The following OPCML variants were observed in gnomAD, a reference collection of about 807,000 sequenced individuals.
OPCML encodes the protein opioid binding protein/cell adhesion molecule like, also known as opioid-binding protein/cell adhesion molecule.
Under a neutral mutation model 37.8 loss-of-function variants are expected in OPCML, and 13 were observed. The observed-to-expected ratio is 0.34, with a 90% CI of 0.22 to 0.55. The LOEUF is 0.55. OPCML is among the 20% of genes least tolerant of loss of function. The pLI is 0.91. For missense variants in OPCML, 341 were observed against 435.6 expected (o/e 0.78, Z 1.93); for synonymous variants, 176 against 168.8 (o/e 1.04, Z -0.33).
chr11:132,430,170 G>T, intron 7 of OPCML, among the ~76,000 whole-genome samples: 1 of 152,196 alleles, frequency 6.6e-6, no homozygotes, highest in East Asian at 1.9e-4. Context: ...AGGCATGGAG[G>T]TCGCACTGAA....
chr11:132,748,349 G>A (rs956579928), intron 2 of OPCML, among the ~76,000 whole-genome samples: 5 of 152,022 alleles, frequency 3.3e-5, no homozygotes, highest in South Asian at 2.1e-4. Flanking sequence ...GATATGTATC[G>A]AATGCCCGCT....
At chr11:133,482,605 G>A (rs1947402598) in intron 1 of OPCML, among the ~76,000 whole-genome samples, 1 of 152,018 alleles carries the variant, frequency 6.6e-6, no homozygotes, top group Non-Finnish European at 1.5e-5. Context: ...TCACCCTTGA[G>A]CAAAATGAGC....
chr11:133,170,130 AAC>A (rs1160892096), intron 1 of OPCML, among the ~76,000 whole-genome samples: 2 of 152,200 alleles, frequency 1.3e-5, no homozygotes, highest in Non-Finnish European at 2.9e-5. Context: ...TTATCTACCT[AAC>A]TACCTGTCTG....
At chr11:133,257,989 T>G (rs1318353081) in intron 1 of OPCML, among the ~76,000 whole-genome samples, 1 of 152,140 alleles carries the variant, frequency 6.6e-6, no homozygotes, top group Non-Finnish European at 1.5e-5. Context: ...ATTCTAAGAT[T>G]GTATCTGGGG....
chr11:132,718,576 G>A (rs946280466), intron 2 of OPCML, among the ~76,000 whole-genome samples: 1 of 152,130 alleles, frequency 6.6e-6, no homozygotes, highest in Non-Finnish European at 1.5e-5. Flanking sequence ...CTGTGTCCCT[G>A]CACAGCTCCT....
At chr11:132,706,710 A>C (rs1944046907) in intron 2 of OPCML, among the ~76,000 whole-genome samples, 1 of 151,798 alleles carries the variant, frequency 6.6e-6, no homozygotes, top group Non-Finnish European at 1.5e-5. Context: ...GCACTCCCCC[A>C]CCCTCTCAGA....
intron 1 of OPCML, among the ~76,000 whole-genome samples, chr11:133,344,344 C>G (rs1377542587): frequency 6.6e-6 from 1 of 152,214 alleles, no homozygotes; most frequent in Non-Finnish European, 1.5e-5. Flanking sequence ...TTACCTACTG[C>G]TATAGTCCTG....
intron 4 of OPCML, among the ~76,000 whole-genome samples, chr11:132,514,857 A>T (rs2096276389): frequency 6.6e-6 from 1 of 152,142 alleles, no homozygotes; most frequent in Non-Finnish European, 1.5e-5. Context: ...CGGCCCTATG[A>T]TGCCCTACAA....
chr11:133,224,830 G>T (rs1939976332), intron 1 of OPCML, among the ~76,000 whole-genome samples: 1 of 152,210 alleles, frequency 6.6e-6, no homozygotes, highest in Non-Finnish European at 1.5e-5. Flanking sequence ...CAAGGAATTT[G>T]GAGCTAGTAC....
Position 133,177,263 on chromosome 11 carries a change from C to T in OPCML, c.62-234253G>A, listed in dbSNP as rs1365260930. Among the ~76,000 whole-genome samples the T allele has an allele frequency of 6.6e-6, 1 of 152,188 alleles. No individual in the cohort carries two copies. Among genetic ancestry groups the T allele is most frequent in the African/African-American group, 2.4e-5 (1 of 41,436 alleles). ...AAGCAGGGGCTAGATGCAGACCTAT[C>T]AGAGATCTGAAAGAAGTGGGAAATA... On this transcript the variant is annotated intron_variant, in intron 1 of 7. Transcript: ENST00000524381. This position sits in a 1 kb window ranked among gnomAD's most constrained non-coding sequence, Gnocchi z 5.0.
At chr11:133,240,754 G>A in intron 1 of OPCML, among the ~76,000 whole-genome samples, 1 of 152,154 alleles carries the variant, frequency 6.6e-6, no homozygotes, top group Non-Finnish European at 1.5e-5. Context: ...AACACATCCA[G>A]TGTTGTTCTC....
chr11:132,505,807 C>T (rs1565620727), intron 4 of OPCML, among the ~76,000 whole-genome samples: 1 of 151,348 alleles, frequency 6.6e-6, no homozygotes, highest in Admixed American at 6.6e-5. Flanking sequence ...AAGAAAGAGC[C>T]AACACACGTG....
chr11:132,745,596 GAAAGAAAGAAAA>G (rs1565827940), intron 2 of OPCML, among the ~76,000 whole-genome samples: 17 of 144,572 alleles, frequency 1.2e-4, no homozygotes, highest in Admixed American at 4.1e-4. Flanking sequence ...AAGAAAGAAA[GAAAGAAAGAAAA>G]AAAAAGGACA....
intron 1 of OPCML, among the ~76,000 whole-genome samples, chr11:132,983,720 C>T (rs1041282435): frequency 5.3e-5 from 8 of 152,170 alleles, no homozygotes; most frequent in African/African-American, 1.9e-4. Flanking sequence ...TTTATTTATA[C>T]GGAGTACTCC....
chr11:133,483,214 T>C lies in OPCML; in HGVS notation c.61+49050A>G, dbSNP rs564992984. Among the ~76,000 whole-genome samples, 299 of 152,234 alleles carry C rather than the reference T, an allele frequency of 2.0e-3. 1 individual carries two copies. Among genetic ancestry groups the C allele is most frequent in the African/African-American group, 7.0e-3 (293 of 41,568 alleles). On this transcript the variant is annotated intron_variant, in intron 1 of 7. Transcript: ENST00000524381. ...CAAAAATGAAATACCAGTTTGTATC[T>C]GGAAGAATGGCAAAATTTAGGAAAT...
intron 4 of OPCML, among the ~76,000 whole-genome samples, chr11:132,515,432 G>A (rs112630775): frequency 0.016 from 2,428 of 152,258 alleles, 71 homozygotes; most frequent in African/African-American, 0.055. Flanking sequence ...GGTGTTCTGT[G>A]GGAGATCAAA....
chr11:133,214,844 G>A (rs1030379860), intron 1 of OPCML, among the ~76,000 whole-genome samples: 1 of 152,028 alleles, frequency 6.6e-6, no homozygotes, highest in African/African-American at 2.4e-5. Context: ...CCATCCCTAC[G>A]AGCCAATAGA....
At chr11:133,191,493 CTGTGTGTGTGGGTG>C (rs1233363575) in intron 1 of OPCML, among the ~76,000 whole-genome samples, 43 of 119,714 alleles carry the variant, frequency 3.6e-4, no homozygotes, top group African/African-American at 1.1e-3. Flanking sequence ...TTTTTCTTTT[CTGTGTGTGTGGGTG>C]TGTGTGTGTG....
chr11:133,117,106 T>TA (rs371851520), intron 1 of OPCML, among the ~76,000 whole-genome samples: 3 of 152,186 alleles, frequency 2.0e-5, no homozygotes, highest in African/African-American at 4.8e-5. Flanking sequence ...AAAAACCATT[T>TA]AAAAAAATTT....
Sources: gnomAD v4.1 joint callset for allele counts (sites outside exome capture counted in the v4.1 genomes callset) on GRCh38, gnomAD v4.1.1 for gene constraint, Gnocchi (gnomAD v3.1) non-coding constraint, MANE v1.5 for transcripts, NCBI Gene and HGNC (gene_info 2026-07-23, HGNC 2026-07-21) for gene names.